Variants in PTPRR observed in about 807,000 individuals in gnomAD.
The protein encoded by PTPRR is receptor-type tyrosine-protein phosphatase R.
PTPRR carries 38 observed loss-of-function variants against 77.2 expected under a neutral mutation model. The observed-to-expected ratio is 0.49, with a 90% CI of 0.38 to 0.65. The LOEUF (loss-of-function observed/expected upper bound fraction) is 0.65, where lower values mean the gene tolerates loss of function less well. PTPRR is among the 30% of genes least tolerant of loss of function. The pLI, the probability that PTPRR is intolerant of heterozygous loss-of-function variation, is 0.00. For synonymous variants in PTPRR, 299 were observed against 283.1 expected (o/e 1.06, Z -0.57); for missense variants, 744 against 799.2 (o/e 0.93, Z 0.83).
chr12:70,860,534 G>A (rs1892734255), intron 2 of PTPRR, among the ~76,000 whole-genome samples: 1 of 152,132 alleles, frequency 6.6e-6, no homozygotes, highest in Non-Finnish European at 1.5e-5. Context: ...TTTGCTAGGT[G>A]CTCCATGTCC....
At chr12:70,909,492 C>T (rs892660849) in intron 1 of PTPRR, among the ~76,000 whole-genome samples, 7 of 152,128 alleles carry the variant, frequency 4.6e-5, no homozygotes, top group African/African-American at 1.7e-4. Context: ...AGCATTTCAT[C>T]AAACTTTACA....
At chr12:70,670,131 A>C (rs1329809054) in intron 10 of PTPRR, among the ~76,000 whole-genome samples, 1 of 152,224 alleles carries the variant, frequency 6.6e-6, no homozygotes, top group Non-Finnish European at 1.5e-5. Context: ...ACTTAAGTCA[A>C]GTAGTTTAAC....
intron 2 of PTPRR, among the ~76,000 whole-genome samples, chr12:70,875,774 C>T (rs922723836): frequency 1.2e-4 from 19 of 152,152 alleles, no homozygotes; most frequent in African/African-American, 4.1e-4. Context: ...ATCTGTAACC[C>T]ATATGGCAGA....
intron 2 of PTPRR, among the ~76,000 whole-genome samples, chr12:70,784,657 A>G (rs1022651061): frequency 2.0e-5 from 3 of 152,264 alleles, no homozygotes; most frequent in Non-Finnish European, 4.4e-5. Flanking sequence ...ACTATTAGCT[A>G]TAAAACAGCT....
At chr12:70,761,786 T>C (rs1163553471) in intron 3 of PTPRR, among the ~76,000 whole-genome samples, 160 bp from the exon 4 acceptor site, 1 of 152,248 alleles carries the variant, frequency 6.6e-6, no homozygotes, top group East Asian at 1.9e-4. Context: ...ATAGACTTAA[T>C]GTTACCAGTC....
intron 1 of PTPRR, among the ~76,000 whole-genome samples, chr12:70,912,630 C>A (rs1893716268): frequency 6.6e-6 from 1 of 152,036 alleles, no homozygotes; most frequent in Non-Finnish European, 1.5e-5. Flanking sequence ...ACATCAACAT[C>A]TTAATATATT....
chr12:70,673,570 T>C lies in PTPRR; in HGVS notation c.1497+10557A>G, dbSNP rs73329567. 1.3e-3 allele frequency among the ~76,000 whole-genome samples: 200 copies of C among 152,378 alleles called. 1 individual carries two copies. Among genetic ancestry groups the C allele is most frequent in the African/African-American group, 4.4e-3 (181 of 41,596 alleles). ...TTGTTTTAAAACATTTACATACTTA[T>C]ATTTACAAATAGTTTCATAAATTAT... On this transcript the variant is annotated intron_variant, in intron 10 of 13. Coordinates refer to ENST00000283228, the MANE Select transcript of PTPRR (RefSeq NM_002849.4).
intron 13 of PTPRR, among the ~76,000 whole-genome samples, chr12:70,654,448 G>A (rs879606355): frequency 3.3e-5 from 5 of 152,034 alleles, no homozygotes; most frequent in African/African-American, 1.2e-4. Flanking sequence ...TGTGGCACAC[G>A]CTTGTACTCC....
chr12:70,732,400 A>C (rs1387913074), intron 6 of PTPRR, among the ~76,000 whole-genome samples: 1 of 152,178 alleles, frequency 6.6e-6, no homozygotes, highest in Non-Finnish European at 1.5e-5. Flanking sequence ...GGGTTTTAGG[A>C]GCTCCCCTCA....
chr12:70,884,763 T>C (rs966292921), intron 2 of PTPRR, among the ~76,000 whole-genome samples: 11 of 141,860 alleles, frequency 7.8e-5, no homozygotes, highest in Admixed American at 3.5e-4. Flanking sequence ...TCCCAGCTAC[T>C]CCGGAGGCTG....
At position 70,804,139 on chromosome 12, in the gene PTPRR, C is replaced by CTGTGTGTGTGTGTGTGTG. The variant is rs58442488; in HGVS notation, c.358-39379_358-39362dup. Among the ~76,000 whole-genome samples the CTGTGTGTGTGTGTGTGTG allele has an allele frequency of 8.2e-3, 1,122 of 137,278 alleles. 13 individuals are homozygous for CTGTGTGTGTGTGTGTGTG. Among genetic ancestry groups the CTGTGTGTGTGTGTGTGTG allele is most frequent in the Middle Eastern group, 0.015 (4 of 274 alleles). The allele number at this position is 137,278 out of a possible 152,430, so 90.1% of individuals were successfully genotyped here. The stretch of plus-strand genomic sequence containing the variant: ...TGTCTTGTTTCACCTGTTCCTGGCT[C>CTGTGTGTGTGTGTGTGTG]TGTGTGTGTGTGTGTGTGTGTGTGT... On this transcript the variant is annotated intron_variant, in intron 2 of 13. Coordinates refer to ENST00000283228, the MANE Select transcript of PTPRR (RefSeq NM_002849.4).
At chr12:70,872,927 C>T (rs1003207535) in intron 2 of PTPRR, among the ~76,000 whole-genome samples, 4 of 151,980 alleles carry the variant, frequency 2.6e-5, no homozygotes, top group Non-Finnish European at 4.4e-5. Context: ...TGATATCTGG[C>T]ATTTGTGCAT....
At chr12:70,683,550 A>G (rs886122824) in intron 10 of PTPRR, among the ~76,000 whole-genome samples, 3 of 152,292 alleles carry the variant, frequency 2.0e-5, no homozygotes, top group Middle Eastern at 3.4e-3. Context: ...TCTTTGCATT[A>G]TTAAATGTAA....
At chr12:70,784,044 A>G (rs997862940) in intron 2 of PTPRR, among the ~76,000 whole-genome samples, 10 of 141,532 alleles carry the variant, frequency 7.1e-5, no homozygotes, top group African/African-American at 2.7e-4. Context: ...AAAGGTAAGA[A>G]TGCAGGGATG....
chr12:70,661,283 G>C, intron 11 of PTPRR, 186 bp from the exon 12 acceptor site: 1 of 710,142 alleles, frequency 1.4e-6, no homozygotes, highest in Non-Finnish European at 2.5e-6. Flanking sequence ...TCAGTAACCT[G>C]TTTGCAAAGT....
At chr12:70,702,974 C>T (rs1476683906) in intron 6 of PTPRR, among the ~76,000 whole-genome samples, 2 of 151,114 alleles carry the variant, frequency 1.3e-5, no homozygotes, top group Non-Finnish European at 2.9e-5. Flanking sequence ...TATATATCAC[C>T]TTATTTATTA....
At chr12:70,745,772 C>G in intron 6 of PTPRR, 46 bp downstream of exon 6, 2 of 1,568,738 alleles carry the variant, frequency 1.3e-6, no homozygotes, top group Middle Eastern at 1.7e-4. Context: ...GATGAATACT[C>G]TTTTTATAAA....
Position 70,892,734 on chromosome 12 carries a change from C to G in PTPRR, c.302G>C (p.Gly101Ala). The G allele has an allele frequency of 6.2e-7, 1 of 1,613,414 alleles. No individual in the cohort carries two copies. Residue 101 changes from glycine (G) to alanine (A), a missense_variant, in exon 2 of 14, where the codon GGT becomes GCT. By Grantham distance (60) the Gly-to-Ala change is moderately conservative. Coordinates refer to ENST00000283228, the MANE Select transcript of PTPRR (RefSeq NM_002849.4). The part of the protein sequence containing the change: ...DPSLNLLAMD[G>A]QDLEVENLPI... Reference sequence around the variant, plus strand: ...GAGATTTTCCACTTCAAGATCTTGACCATCCATGGCCAGCAGATTGAGAGA... The same window carrying G: ...GAGATTTTCCACTTCAAGATCTTGAGCATCCATGGCCAGCAGATTGAGAGA...
chr12:70,653,730 T>G (rs1004134184), intron 13 of PTPRR, among the ~76,000 whole-genome samples: 1 of 152,162 alleles, frequency 6.6e-6, no homozygotes, highest in Non-Finnish European at 1.5e-5. Context: ...TATATACTAC[T>G]ATTACTCCAA....
Sources: allele counts gnomAD v4.1 joint callset (sites outside exome capture counted in the v4.1 genomes callset), GRCh38; gene constraint gnomAD v4.1.1; transcripts MANE v1.5; gene names NCBI Gene and HGNC (gene_info 2026-07-23, HGNC 2026-07-21).